RBFOX1: variants seen among roughly 807,000 people sequenced by gnomAD.
The protein encoded by RBFOX1 is RNA binding protein fox-1 homolog 1.
RBFOX1 carries 8 observed loss-of-function variants against 57.7 expected under a neutral mutation model. That is an observed-to-expected ratio of 0.14 (90% CI 0.08 to 0.25). RBFOX1 has a LOEUF of 0.25. Among genes scored for constraint, RBFOX1 ranks in the 10% least tolerant of loss-of-function variants. RBFOX1 has a pLI of 1.00. For synonymous variants in RBFOX1, 326 were observed against 222.4 expected (o/e 1.47, Z -4.15); for missense variants, 611 against 548.5 (o/e 1.11, Z -1.14).
intron 2 of RBFOX1, among the ~76,000 whole-genome samples, chr16:5,515,421 G>C (rs1259811265): frequency 6.6e-6 from 1 of 152,226 alleles, no homozygotes; most frequent in African/African-American, 2.4e-5. Context: ...AGAGGGGGCA[G>C]ATTGTTTGTG....
At chr16:7,677,132 T>TACACACACACACACACACACACACACAC (rs59379802) in intron 14 of RBFOX1, among the ~76,000 whole-genome samples, 4,543 of 137,690 alleles carry the variant, frequency 0.033, 196 homozygotes, top group Admixed American at 0.049. Flanking sequence ...CACATACACA[T>TACACACACACACACACACACACACACAC]ACACACACAC....
rs79966675 is a variant in RBFOX1, at chr16:7,022,509, C to G, written c.-15-29548C>G. On this transcript the variant is annotated intron_variant, in intron 3 of 15. Coordinates refer to ENST00000550418, the MANE Select transcript of RBFOX1 (RefSeq NM_018723.4). ...GTATTTCTTTTTCTTTCTTTATACT[C>G]CAGATTCCCTGTGAGGTCAGGAACT... Among the ~76,000 whole-genome samples the G allele has an allele frequency of 9.3e-3, 1,414 of 152,088 alleles. 17 individuals carry two copies. Among genetic ancestry groups the G allele is most frequent in the African/African-American group, 0.028 (1,173 of 41,476 alleles).
At chr16:6,289,626 CA>C (rs2077255901) in intron 1 of RBFOX1, among the ~76,000 whole-genome samples, 1 of 152,076 alleles carries the variant, frequency 6.6e-6, no homozygotes, top group South Asian at 2.1e-4. Flanking sequence ...GTTTAATCCA[CA>C]AACAAGACTA....
At position 6,814,140 on chromosome 16, in the gene RBFOX1, GAAC is replaced by G. The variant is rs1203995053; in HGVS notation, c.-16+159498_-16+159500del. 3.3e-5 allele frequency among the ~76,000 whole-genome samples: 5 copies of G among 151,492 alleles called. No homozygotes were observed. The Middle Eastern group carries it at 0.01, about 313-fold the overall frequency. On this transcript the variant is annotated intron_variant, in intron 3 of 15. Coordinates refer to ENST00000550418, the MANE Select transcript of RBFOX1 (RefSeq NM_018723.4). ...ATAGGGAGCTTATTTAAAACTCCTA[GAAC>G]AACAACACACCAAACAAGCCAATAT...
In RBFOX1 at chr16:7,532,207, C is replaced by T. The variant is rs75584952; in HGVS notation, c.270+13818C>T. On this transcript the variant is annotated intron_variant, in intron 5 of 15. Transcript: ENST00000550418. ...TGACAGGAGGTGGGTTTCGTCCCCC[C>T]TCTTCCCTCTAATTGGCTTGCAAGT... Among the ~76,000 whole-genome samples, 110 of 151,788 alleles carry T rather than the reference C, an allele frequency of 7.2e-4. 1 individual carries two copies. The South Asian group carries it at 7.9e-3, about 11-fold the overall frequency.
intron 4 of RBFOX1, among the ~76,000 whole-genome samples, chr16:7,122,951 G>T (rs1197582661): frequency 6.6e-6 from 1 of 151,964 alleles, no homozygotes; most frequent in Non-Finnish European, 1.5e-5. Flanking sequence ...AGTCTCAAAC[G>T]ATGACATAGT....
At chr16:7,358,751 C>G (rs974983612) in intron 4 of RBFOX1, among the ~76,000 whole-genome samples, 1 of 152,204 alleles carries the variant, frequency 6.6e-6, no homozygotes, top group South Asian at 2.1e-4. Context: ...ATAAAGTAGT[C>G]ACAGGTGGTA....
intron 2 of RBFOX1, among the ~76,000 whole-genome samples, chr16:6,510,504 A>T (rs1045599028): frequency 6.6e-6 from 1 of 152,228 alleles, no homozygotes; most frequent in Non-Finnish European, 1.5e-5. Context: ...GCAGGCACAG[A>T]TGACAACACA....
At chr16:7,134,131 A>T (rs372140284) in intron 4 of RBFOX1, among the ~76,000 whole-genome samples, 1 of 152,196 alleles carries the variant, frequency 6.6e-6, no homozygotes, top group Non-Finnish European at 1.5e-5. Context: ...TACAATAGCG[A>T]TCATAAAAAC....
At position 7,489,434 on chromosome 16, in the gene RBFOX1, T is replaced by C. The variant is rs111435437; in HGVS notation, c.28-28713T>C. On this transcript the variant is annotated intron_variant, in intron 4 of 15. Transcript: ENST00000550418. ...TATTAATCCCATTTAATCTTCAAAA[T>C]AGTCTTATGTTGTAGCTTCTTTTGC... Among the ~76,000 whole-genome samples the C allele has an allele frequency of 3.3e-5, 5 of 152,296 alleles. 1 individual carries two copies. Among genetic ancestry groups the C allele is most frequent in the African/African-American group, 1.2e-4 (5 of 41,560 alleles).
rs117668768 is a variant in RBFOX1 at position 7,418,869 on chromosome 16, C to G, written c.28-99278C>G. ...GAAGGCATTGACTCTTCCAGAGCCA[C>G]TAAGAGTCGAGGTTTTTTTTTGTTG... is the stretch of plus-strand genomic sequence containing the variant. On this transcript the variant is annotated intron_variant, in intron 4 of 15. Coordinates refer to ENST00000550418, the MANE Select transcript of RBFOX1 (RefSeq NM_018723.4). Among the ~76,000 whole-genome samples, 917 of 118,622 alleles carry G rather than the reference C, an allele frequency of 7.7e-3. 21 individuals carry two copies. The East Asian group carries it at 0.1, about 13-fold the overall frequency. The allele number at this position is 118,622 out of a possible 152,430, so 77.8% of individuals were successfully genotyped here.
At chr16:6,075,623 A>T (rs757436989) in intron 1 of RBFOX1, among the ~76,000 whole-genome samples, 1 of 152,206 alleles carries the variant, frequency 6.6e-6, no homozygotes, top group Non-Finnish European at 1.5e-5. Flanking sequence ...ACACACATTT[A>T]ATCAGGGCAT....
At chr16:5,243,408 C>T (rs1167639248) in intron 1 of RBFOX1, among the ~76,000 whole-genome samples, 1 of 152,120 alleles carries the variant, frequency 6.6e-6, no homozygotes, top group Non-Finnish European at 1.5e-5. Flanking sequence ...GAGGAGCATC[C>T]GCGTTGCAGG....
chr16:7,024,806 C>G (rs2040401105), intron 3 of RBFOX1, among the ~76,000 whole-genome samples: 1 of 152,194 alleles, frequency 6.6e-6, no homozygotes, highest in African/African-American at 2.4e-5. Flanking sequence ...CCTCTGGACC[C>G]TGTTGGATGT....
chr16:5,388,757 A>G (rs1250894980), intron 1 of RBFOX1, among the ~76,000 whole-genome samples: 3 of 151,578 alleles, frequency 2.0e-5, no homozygotes, highest in Non-Finnish European at 4.4e-5. Flanking sequence ...TTGTAATTTT[A>G]ATAGAGACAG....
chr16:6,866,450 A>G (rs11077095), intron 3 of RBFOX1, among the ~76,000 whole-genome samples: 117,336 of 150,644 alleles, frequency 0.78, 46,722 homozygotes, highest in African/African-American at 0.94. Context: ...CTGCATCTTC[A>G]TGTTAAGCAA....
chr16:5,264,681 G>T (rs1160259676), intron 1 of RBFOX1, among the ~76,000 whole-genome samples: 3 of 152,152 alleles, frequency 2.0e-5, no homozygotes, highest in Non-Finnish European at 4.4e-5. Flanking sequence ...CTGTGATGGG[G>T]GAGGGGATGT....
intron 2 of RBFOX1, among the ~76,000 whole-genome samples, chr16:6,323,736 T>C (rs1477942131): frequency 6.6e-6 from 1 of 152,194 alleles, no homozygotes; most frequent in Non-Finnish European, 1.5e-5. Context: ...CAAGTACAGT[T>C]TCCATACATC....
chr16:5,462,203 C>G (rs1209253652), intron 1 of RBFOX1, among the ~76,000 whole-genome samples: 3 of 136,848 alleles, frequency 2.2e-5, no homozygotes, highest in East Asian at 2.2e-4. Flanking sequence ...GAGTCTCGCT[C>G]TGTCACCCAG....
Sources: allele counts gnomAD v4.1 joint callset (sites outside exome capture counted in the v4.1 genomes callset), GRCh38; gene constraint gnomAD v4.1.1; transcripts MANE v1.5; gene names NCBI Gene and HGNC (gene_info 2026-07-23, HGNC 2026-07-21).